The following KCP variants were observed in gnomAD, a reference collection of about 807,000 sequenced individuals.
KCP encodes kielin cysteine rich BMP regulator, also known as kielin/chordin-like protein.
A neutral mutation model predicts 212.7 loss-of-function variants in KCP; 194 were observed. That is an observed-to-expected ratio of 0.91 (90% CI 0.81 to 1.03). The LOEUF is 1.03. Among genes scored for constraint, KCP ranks in the 50% least tolerant of loss-of-function variants. The pLI is 0.00. For synonymous variants in KCP, 833 were observed against 865.3 expected (o/e 0.96, Z 0.65); for missense variants, 2,080 against 2,162.5 (o/e 0.96, Z 0.76).
chr7:128,895,499 G>A (rs372424540), intron 8 of KCP, among the ~76,000 whole-genome samples: 64 of 152,358 alleles, frequency 4.2e-4, no homozygotes, highest in African/African-American at 1.5e-3. Context: ...CATGGGTGGG[G>A]AGAGGGAGGA....
chr7:128,899,413 T>C (rs1308538950), intron 8 of KCP, among the ~76,000 whole-genome samples: 2 of 152,202 alleles, frequency 1.3e-5, no homozygotes, highest in Admixed American at 6.5e-5. Flanking sequence ...GGTTTTCTGA[T>C]AACTTTGGAG....
At chr7:128,891,361 C>T in intron 18 of KCP, 83 bp from the exon 19 acceptor site, 2 of 1,546,236 alleles carry the variant, frequency 1.3e-6, no homozygotes, top group Non-Finnish European at 1.7e-6. Flanking sequence ...GCCACCAGGT[C>T]CCACCCCTCC....
intron 8 of KCP, among the ~76,000 whole-genome samples, chr7:128,898,376 A>G (rs1290205184): frequency 1.3e-5 from 2 of 152,076 alleles, no homozygotes; most frequent in Non-Finnish European, 2.9e-5. Flanking sequence ...TCTTAACTAT[A>G]CAACTTGCCT....
intron 27 of KCP, 52 bp from the exon 28 acceptor site, chr7:128,884,915 G>A: frequency 6.5e-7 from 1 of 1,529,852 alleles, no homozygotes; most frequent in Non-Finnish European, 8.9e-7. Context: ...CAGGCTGGCA[G>A]CGAGGCAGGG....
chr7:128,879,582 C>T lies in KCP; in HGVS notation c.4086G>A (p.Pro1362=), dbSNP rs570667554. Residue 1362 remains proline (P), a synonymous_variant, in exon 37 of 40, where the codon CCG becomes CCA. Transcript: ENST00000610776. The part of the protein sequence containing the change: ...HPVALPFLQE[P]LLYVELRGHT... ...GTCCTCGCAGCTCCACATACAGCAG[C>T]GGCTCCTGCAGGAAGGGCAAGGCCA... 43 of 1,550,490 alleles carry T rather than the reference C, an allele frequency of 2.8e-5. No homozygotes were observed. The highest frequency in any genetic ancestry group is 1.7e-4 in the Middle Eastern group (1 of 5,982).
intron 8 of KCP, among the ~76,000 whole-genome samples, chr7:128,901,657 CT>C (rs1794853148): frequency 6.6e-6 from 1 of 152,066 alleles, no homozygotes; most frequent in Non-Finnish European, 1.5e-5. Context: ...TTGCTTTCAC[CT>C]TTCTCTATGG....
chr7:128,893,728 A>G, intron 11 of KCP, 78 bp downstream of exon 11: 1 of 1,444,424 alleles, frequency 6.9e-7, no homozygotes, highest in Non-Finnish European at 9.4e-7. Context: ...TAGGTCCAAG[A>G]GAAGCAAATC....
chr7:128,887,157 G>A (rs900331418), intron 23 of KCP, 58 bp downstream of exon 23: 1 of 1,432,856 alleles, frequency 7.0e-7, no homozygotes, highest in Admixed American at 2.0e-5. Flanking sequence ...CCTCTTCCTG[G>A]CCAGAGAGGA....
At position 128,876,933 on chromosome 7, in the gene KCP, G is replaced by A. The variant is rs1307254851; in HGVS notation, c.*110C>T. On this transcript the variant is annotated 3_prime_UTR_variant, in exon 40 of 40. Transcript: ENST00000610776. ...GGGGTCTTTGCAGGGCAGGGGCCCAGGCTCCAGTGTCCAGGCAGGGCATTC... is the reference window on the plus strand; with the variant it reads ...GGGGTCTTTGCAGGGCAGGGGCCCAAGCTCCAGTGTCCAGGCAGGGCATTC... 4 of 1,335,188 alleles carry A rather than the reference G, an allele frequency of 3.0e-6. No individual in the cohort carries two copies. In the African/African-American group the frequency reaches 4.6e-5, roughly 15 times the overall value. 82.7% of individuals were successfully genotyped at this position (1,335,188 alleles called of 1,614,324 possible).
chr7:128,882,064 G>C, intron 29 of KCP, 48 bp from the exon 30 acceptor site: 3 of 1,430,020 alleles, frequency 2.1e-6, no homozygotes, highest in Non-Finnish European at 2.9e-6. Context: ...GGGGCACAGG[G>C]CTGGAAATCC....
At chr7:128,910,508 A>G in intron 1 of KCP, 93 bp downstream of exon 1, 1 of 1,168,034 alleles carries the variant, frequency 8.6e-7, no homozygotes, top group Admixed American at 2.9e-5. Context: ...CTAAGAGCAG[A>G]GCCCCCAGCC....
At chr7:128,908,368 C>T in intron 2 of KCP, 58 bp downstream of exon 2, 2 of 1,491,894 alleles carry the variant, frequency 1.3e-6, no homozygotes, top group Non-Finnish European at 1.8e-6. Flanking sequence ...TCCTTCTCTC[C>T]CTCCCACTAT....
intron 19 of KCP, 43 bp downstream of exon 19, chr7:128,891,142 A>G (rs1375804250): frequency 7.8e-6 from 12 of 1,536,298 alleles, no homozygotes; most frequent in Admixed American, 2.0e-5. Flanking sequence ...CAGGCCTCCG[A>G]GGGGACCCCC....
intron 22 of KCP, among the ~76,000 whole-genome samples, chr7:128,888,295 AAC>A (rs901317772): frequency 2.0e-4 from 18 of 88,598 alleles, no homozygotes; most frequent in East Asian, 9.7e-4. Context: ...CACACAGAGC[AAC>A]ACACACACAC....
intron 26 of KCP, among the ~76,000 whole-genome samples, chr7:128,885,989 T>C (rs1470975382): frequency 6.6e-6 from 1 of 152,184 alleles, no homozygotes; most frequent in African/African-American, 2.4e-5. Context: ...GCTCACTGAA[T>C]GTCAGGTATC....
At position 128,910,653 on chromosome 7, in the gene KCP, C is replaced by G; in HGVS notation, c.24G>C (p.Ala8=). MAGVGAA[A]LSLLLHLGAL... ...CCCCGAGGTGCAGGAGAAGGGACAGCGCAGCGGCCCCGACCCCGGCCATGC... is the reference window on the plus strand; with the variant it reads ...CCCCGAGGTGCAGGAGAAGGGACAGGGCAGCGGCCCCGACCCCGGCCATGC... Residue 8 remains alanine (A), a synonymous_variant, in exon 1 of 40, where the codon GCG becomes GCC. Coordinates refer to ENST00000610776, the MANE Select transcript of KCP (RefSeq NM_001366122.1). The G allele has an allele frequency of 4.0e-6, 6 of 1,510,788 alleles. No individual in the cohort carries two copies. Among genetic ancestry groups the G allele is most frequent in the Non-Finnish European group, 5.3e-6 (6 of 1,136,756 alleles). The allele number at this position is 1,510,788 out of a possible 1,614,324, so 93.6% of individuals were successfully genotyped here.
intron 28 of KCP, 97 bp from the exon 29 acceptor site, chr7:128,884,219 C>T (rs1381698389): frequency 3.5e-6 from 5 of 1,428,828 alleles, no homozygotes; most frequent in African/African-American, 2.9e-5. Flanking sequence ...CTGCTGCAGC[C>T]TCTTCCGGGA....
chr7:128,884,034 G>C lies in KCP; in HGVS notation c.3212C>G (p.Pro1071Arg), dbSNP rs1793492360. 2 of 1,547,518 alleles carry C rather than the reference G, an allele frequency of 1.3e-6. No individual in the cohort carries two copies. The highest frequency in any genetic ancestry group is 4.9e-5 in the East Asian group (2 of 40,760). ...VGCPPSQLLP[P>R]GPQHCCPTCA... is the part of the protein sequence containing the mutation. ...GGTGGGACAGCAGTGCTGGGGCCCA[G>C]GGGGCAGGAGCTGGCTGGGGGGGCA... Residue 1071 changes from proline (P) to arginine (R), a missense_variant, in exon 29 of 40, where the codon CCT becomes CGT. By Grantham distance (103) the Pro-to-Arg change is moderately radical. Transcript: ENST00000610776.
At position 128,877,584 on chromosome 7, in the gene KCP, G is replaced by A. The variant is rs1270443775; in HGVS notation, c.4518C>T (p.Gly1506=). The A allele has an allele frequency of 6.4e-7, 1 of 1,551,522 alleles. No homozygotes were observed. The highest frequency in any genetic ancestry group is 2.0e-5 in the Admixed American group (1 of 50,990). ...CVYDLCACGP[G]SSADACLCDA... is the part of the protein sequence containing the mutation. Reference sequence around the variant, plus strand: ...CACAGAGGCAGGCATCAGCGGAGGAGCCAGGGCCACAGGCACACAGGTCAT... The same window carrying A: ...CACAGAGGCAGGCATCAGCGGAGGAACCAGGGCCACAGGCACACAGGTCAT... Residue 1506 remains glycine (G), a synonymous_variant, in exon 39 of 40, where the codon GGC becomes GGT. Transcript: ENST00000610776.
Sources: gnomAD v4.1 joint callset for allele counts (sites outside exome capture counted in the v4.1 genomes callset) on GRCh38, gnomAD v4.1.1 for gene constraint, MANE v1.5 for transcripts, NCBI Gene and HGNC (gene_info 2026-07-23, HGNC 2026-07-21) for gene names.